Variants in HDGFL2 observed in about 807,000 individuals in gnomAD.
HDGFL2 encodes the protein hepatoma-derived growth factor-related protein 2.
In HDGFL2, 36 loss-of-function variants were observed where a neutral mutation model predicts 77.1. The ratio of observed to expected loss-of-function variants is 0.47; its 90% CI spans 0.36 to 0.62. HDGFL2 has a LOEUF of 0.62. Among genes scored for constraint, HDGFL2 ranks in the 20% least tolerant of loss-of-function variants. The pLI, the probability that HDGFL2 is intolerant of heterozygous loss-of-function variation, is 0.00. For synonymous variants in HDGFL2, 463 were observed against 413.1 expected, an observed-to-expected ratio of 1.12 and a Z score of -1.46; for missense variants, 976 against 973.4, an observed-to-expected ratio of 1.00 and a Z score of -0.04.
chr19:4,484,085 GGCCT>G (rs2145173283), intron 3 of HDGFL2, among the ~76,000 whole-genome samples: 1 of 147,462 alleles, frequency 6.8e-6, no homozygotes, highest in South Asian at 2.1e-4. Flanking sequence ...CACTGCACCC[GGCCT>G]TTTTTTTTTT....
intron 10 of HDGFL2, chr19:4,497,630 G>T (rs935021393): frequency 2.5e-6 from 1 of 397,234 alleles, no homozygotes; most frequent in Non-Finnish European, 4.6e-6. Context: ...TCCTGCACGC[G>T]TGTCACCCTT....
At chr19:4,490,889 G>A (rs1400208630) in intron 4 of HDGFL2, among the ~76,000 whole-genome samples, 2 of 151,192 alleles carry the variant, frequency 1.3e-5, no homozygotes, top group African/African-American at 2.4e-5. Context: ...TCGGCTCACC[G>A]CAACCTCTGC....
At chr19:4,476,649 CTCAG>C (rs1375180727) in intron 3 of HDGFL2, among the ~76,000 whole-genome samples, 4 of 150,296 alleles carry the variant, frequency 2.7e-5, no homozygotes, top group East Asian at 3.9e-4. Context: ...TGTGAGCGTT[CTCAG>C]TCAGGTGGAA....
rs374944014 is a variant in HDGFL2 at position 4,493,748 on chromosome 19, G to A, written c.724G>A (p.Gly242Arg). Residue 242 changes from glycine to arginine, a missense_variant, in exon 7 of 16, where the codon GGG becomes AGG. Transcript: ENST00000616600. Reference sequence around the variant, plus strand: ...CTCCGACTCCAAGGCCGATTCGGACGGGGCCAAGCCTGAGCCGGTGGCCAT... The same window carrying A: ...CTCCGACTCCAAGGCCGATTCGGACAGGGCCAAGCCTGAGCCGGTGGCCAT... ...SDSDSKADSD[G>R]AKPEPVAMAR... 2 of 1,528,196 alleles carry A rather than the reference G, an allele frequency of 1.3e-6. No homozygotes were observed. Among genetic ancestry groups the A allele is most frequent in the South Asian group, 1.2e-5 (1 of 82,160 alleles). The allele number at this position is 1,528,196 out of a possible 1,614,324, so 94.7% of individuals were successfully genotyped here.
Position 4,493,707 on chromosome 19 carries a change from C to G in HDGFL2, c.683C>G (p.Ala228Gly), listed in dbSNP as rs762888839. The G allele has an allele frequency of 3.1e-5, 45 of 1,464,460 alleles. No individual in the cohort carries two copies. Among genetic ancestry groups the G allele is most frequent in the Non-Finnish European group, 4.1e-5 (45 of 1,102,236 alleles). 90.7% of individuals were successfully genotyped at this position (1,464,460 alleles called of 1,614,324 possible). The part of the protein sequence containing the change: ...GPLGGRKKKK[A>G]PSASDSDSKA... The stretch of plus-strand genomic sequence containing the variant: ...CCTGTCCCTGCTTCTCCCCAGAAGG[C>G]GCCATCAGCCTCCGACTCCGACTCC... Residue 228 changes from alanine to glycine, a missense_variant, in exon 7 of 16, where the codon GCG becomes GGG. Ala to Gly is a moderately conservative substitution (Grantham distance 60). Coordinates refer to ENST00000616600, the MANE Select transcript of HDGFL2 (RefSeq NM_001001520.3).
At chr19:4,482,026 C>T (rs1005092195) in intron 3 of HDGFL2, among the ~76,000 whole-genome samples, 2 of 71,658 alleles carry the variant, frequency 2.8e-5, no homozygotes, top group East Asian at 5.0e-4. Context: ...TGGCTTTGGC[C>T]TTTTTTTTTT....
At chr19:4,501,064 C>A in intron 14 of HDGFL2, 127 bp from the exon 15 acceptor site, 1 of 1,132,862 alleles carries the variant, frequency 8.8e-7, no homozygotes, top group South Asian at 1.5e-5. Flanking sequence ...GTGCTGGGGT[C>A]CAGGTGGATG....
chr19:4,496,070 G>A (rs1433654685), intron 9 of HDGFL2, among the ~76,000 whole-genome samples: 1 of 152,174 alleles, frequency 6.6e-6, no homozygotes, highest in Non-Finnish European at 1.5e-5. Flanking sequence ...TGGGCAGGAG[G>A]AGTGAAGGGG....
intron 3 of HDGFL2, among the ~76,000 whole-genome samples, 177 bp from the exon 4 acceptor site, chr19:4,488,495 ACTCT>A (rs1370533881): frequency 6.6e-6 from 1 of 151,150 alleles, no homozygotes; most frequent in Non-Finnish European, 1.5e-5. Flanking sequence ...AATCCATCTC[ACTCT>A]CCTGCCTTCG....
intron 3 of HDGFL2, among the ~76,000 whole-genome samples, chr19:4,479,775 G>A (rs1975167286): frequency 6.8e-6 from 1 of 147,694 alleles, no homozygotes; most frequent in Non-Finnish European, 1.5e-5. Context: ...ATGTGGTGGT[G>A]GGCACCTGTA....
intron 4 of HDGFL2, among the ~76,000 whole-genome samples, chr19:4,489,511 C>A (rs181177376): frequency 6.6e-6 from 1 of 152,070 alleles, no homozygotes; most frequent in East Asian, 1.9e-4. Flanking sequence ...TCAAGTGATT[C>A]CCCTGCTTCA....
chr19:4,488,888 C>A lies in HDGFL2; in HGVS notation c.489+12C>A, dbSNP rs1469233709. The A allele has an allele frequency of 6.5e-7, 1 of 1,548,758 alleles. No homozygotes were observed. Among genetic ancestry groups the A allele is most frequent in the Non-Finnish European group, 8.7e-7 (1 of 1,145,174 alleles). ...CGCCTGCGCTAAAGGTAGGGGAGGA[C>A]CAAGGTGGGCTGGCCCTTCATCCCC... On this transcript the variant is annotated intron_variant, in intron 4 of 15. Transcript: ENST00000616600.
chr19:4,490,693 G>A (rs34655383), intron 4 of HDGFL2, among the ~76,000 whole-genome samples: 105,890 of 152,134 alleles, frequency 0.7, 37,441 homozygotes, highest in African/African-American at 0.79. Flanking sequence ...AAAATGATAA[G>A]CCATATTTAT....
intron 14 of HDGFL2, 78 bp downstream of exon 14, chr19:4,499,782 A>AGG: frequency 8.7e-7 from 1 of 1,145,174 alleles, no homozygotes; most frequent in South Asian, 1.5e-5. Context: ...ACATTCCAGA[A>AGG]GGGGAGTACA....
chr19:4,500,277 T>C lies in HDGFL2; in HGVS notation c.1789+573T>C, dbSNP rs145367074. Among the ~76,000 whole-genome samples, 830 of 152,032 alleles carry C rather than the reference T, an allele frequency of 5.5e-3. 11 individuals are homozygous for C. The highest frequency in any genetic ancestry group is 0.019 in the African/African-American group (789 of 41,454). On this transcript the variant is annotated intron_variant, in intron 14 of 15. Coordinates refer to ENST00000616600, the MANE Select transcript of HDGFL2 (RefSeq NM_001001520.3). ...CCCAGGGGGCAGCCGAAGGCTAGTG[T>C]CTTTTTTTTCTTTTTTCTTTTTTTT...
chr19:4,481,084 C>T (rs1392049361), intron 3 of HDGFL2, among the ~76,000 whole-genome samples: 3 of 151,176 alleles, frequency 2.0e-5, no homozygotes, highest in East Asian at 2.0e-4. Context: ...TGCAGTGGTG[C>T]GGTCTCTGCT....
At chr19:4,475,949 G>GCGCGATCTCGGCTCACTGCAAGCTC (rs1975061933) in intron 3 of HDGFL2, among the ~76,000 whole-genome samples, 1 of 151,474 alleles carries the variant, frequency 6.6e-6, no homozygotes, top group African/African-American at 2.4e-5. Context: ...GAGTGCAGTG[G>GCGCGATCTCGGCTCACTGCAAGCTC]CGCGATCTCG....
At chr19:4,497,421 T>G (rs1167035918) in intron 10 of HDGFL2, 3 of 286,478 alleles carry the variant, frequency 1.0e-5, no homozygotes, top group Admixed American at 5.0e-5. Flanking sequence ...ATGGTCTCTA[T>G]CTCCTAAACT....
At chr19:4,495,348 A>G (rs895307239) in intron 9 of HDGFL2, among the ~76,000 whole-genome samples, 47 of 134,958 alleles carry the variant, frequency 3.5e-4, no homozygotes, top group African/African-American at 1.2e-3. Flanking sequence ...AGATTGTGCC[A>G]CTGCACTCCA....
Sources: allele counts gnomAD v4.1 joint callset (sites outside exome capture counted in the v4.1 genomes callset), GRCh38; gene constraint gnomAD v4.1.1; transcripts MANE v1.5; gene names NCBI Gene and HGNC (gene_info 2026-07-23, HGNC 2026-07-21).